Variants in PTK2 observed in about 807,000 individuals in gnomAD.
PTK2 encodes protein tyrosine kinase 2, also known as focal adhesion kinase 1.
PTK2 carries 45 observed loss-of-function variants against 150.1 expected under a neutral mutation model. The ratio of observed to expected loss-of-function variants is 0.30; its 90% CI spans 0.24 to 0.38. The LOEUF is 0.38. Ranked by LOEUF, PTK2 falls within the 10% of genes least tolerant of loss-of-function variation. The pLI is 1.00. For synonymous variants in PTK2, 432 were observed against 449.2 expected, an observed-to-expected ratio of 0.96 and a Z score of 0.48; for missense variants, 919 against 1,307.3, an observed-to-expected ratio of 0.70 and a Z score of 4.58.
Position 140,671,325 on chromosome 8 carries a change from G to A in PTK2, c.2710-2901C>T, listed in dbSNP as rs76664390. ...CAACCACCGCCTCCTGGATTCCAGC[G>A]ATTCTTGTGCCTCAGCCCCCTGAGC... On this transcript the variant is annotated intron_variant, in intron 29 of 31. Transcript: ENST00000522684. Among the ~76,000 whole-genome samples, 348 of 152,170 alleles carry A rather than the reference G, an allele frequency of 2.3e-3. 5 individuals are homozygous for A. The East Asian group carries it at 0.045, about 19-fold the overall frequency.
chr8:140,745,834 C>T (rs1236444583), intron 18 of PTK2, among the ~76,000 whole-genome samples: 1 of 151,538 alleles, frequency 6.6e-6, no homozygotes, highest in African/African-American at 2.4e-5. Flanking sequence ...ACCCTGTCTC[C>T]ATTAAAAATG....
At chr8:140,778,040 G>A (rs2100079443) in intron 14 of PTK2, among the ~76,000 whole-genome samples, 2 of 152,212 alleles carry the variant, frequency 1.3e-5, no homozygotes, top group Admixed American at 1.3e-4. Flanking sequence ...TTGGGAATGA[G>A]ATCTTTCCCC....
chr8:140,820,762 G>A (rs1293790234), intron 8 of PTK2: 1 of 152,222 alleles, frequency 6.6e-6, no homozygotes, highest in African/African-American at 2.4e-5. Flanking sequence ...AATCCAAGTG[G>A]AGCTGTCAAG....
chr8:140,838,317 G>A (rs2100120058), intron 7 of PTK2, among the ~76,000 whole-genome samples: 1 of 152,098 alleles, frequency 6.6e-6, no homozygotes, highest in Non-Finnish European at 1.5e-5. Flanking sequence ...AAAACCAATA[G>A]GAAAAAGAAA....
intron 8 of PTK2, among the ~76,000 whole-genome samples, chr8:140,822,989 A>G (rs984887685): frequency 1.1e-4 from 17 of 152,230 alleles, no homozygotes; most frequent in Admixed American, 7.9e-4. Context: ...ATGCTGCCTC[A>G]ATGTACAAAT....
In PTK2 at chr8:140,717,719, C is replaced by G. The variant is rs755160976; in HGVS notation, c.2031-10G>C. On this transcript the variant is annotated splice_polypyrimidine_tract_variant and intron_variant, in intron 22 of 31. Transcript: ENST00000522684. The stretch of plus-strand genomic sequence containing the variant: ...TTCCTCCAGGATTGTGCTAGAGAGA[C>G]AACACATTGTCTTAGGGGAGCTGAC... 1 of 1,610,260 alleles carries G rather than the reference C, an allele frequency of 6.2e-7. No individual in the cohort carries two copies. Among genetic ancestry groups the G allele is most frequent in the Non-Finnish European group, 8.5e-7 (1 of 1,176,660 alleles).
chr8:140,960,538 T>C (rs1050513558), intron 1 of PTK2, among the ~76,000 whole-genome samples: 1 of 151,890 alleles, frequency 6.6e-6, no homozygotes, highest in Non-Finnish European at 1.5e-5. Flanking sequence ...GAATAAGTAA[T>C]CAAGGCAAGA....
intron 4 of PTK2, among the ~76,000 whole-genome samples, chr8:140,874,394 C>T (rs780655833): frequency 2.6e-5 from 4 of 152,178 alleles, no homozygotes; most frequent in Non-Finnish European, 4.4e-5. Flanking sequence ...AGTCCTAGCA[C>T]TTTCATTTGA....
intron 5 of PTK2, among the ~76,000 whole-genome samples, chr8:140,850,673 T>C (rs1396736731): frequency 6.7e-6 from 1 of 149,902 alleles, no homozygotes; most frequent in Non-Finnish European, 1.5e-5. Context: ...GAGCTTGCAG[T>C]GAGCCGTGAT....
intron 23 of PTK2, among the ~76,000 whole-genome samples, chr8:140,715,315 G>C (rs1256936562): frequency 4.0e-5 from 6 of 151,544 alleles, no homozygotes; most frequent in Non-Finnish European, 7.4e-5. Context: ...TGGGATTACA[G>C]GTGCCGGCCA....
chr8:140,820,102 T>A (rs1162883437), intron 8 of PTK2, among the ~76,000 whole-genome samples: 1 of 88,802 alleles, frequency 1.1e-5, no homozygotes, highest in South Asian at 4.3e-4. Flanking sequence ...TTTTTTTTTT[T>A]TTTTTTTTTT....
intron 5 of PTK2, among the ~76,000 whole-genome samples, chr8:140,847,804 T>C (rs532541999): frequency 6.6e-6 from 1 of 152,310 alleles, no homozygotes; most frequent in Non-Finnish European, 1.5e-5. Flanking sequence ...TCAAACATCC[T>C]GTTCTTCAAT....
intron 1 of PTK2, among the ~76,000 whole-genome samples, chr8:141,000,126 C>CACACA (rs1555522723): frequency 1.5e-4 from 21 of 142,630 alleles, no homozygotes; most frequent in South Asian, 4.4e-4. Context: ...CACACACACA[C>CACACA]CCCTTCTTCT....
chr8:140,761,302 A>G (rs2100069302), intron 15 of PTK2, 40 bp from the exon 19 acceptor site: 3 of 1,422,996 alleles, frequency 2.1e-6, no homozygotes, highest in Non-Finnish European at 3.0e-6. Flanking sequence ...TAAGTAAAAT[A>G]TTCCAAATGT....
chr8:140,951,193 A>G (rs2100179443), intron 1 of PTK2, among the ~76,000 whole-genome samples: 1 of 152,006 alleles, frequency 6.6e-6, no homozygotes, highest in African/African-American at 2.4e-5. Context: ...TTCCTCCCAA[A>G]CTTTCCTTTG....
intron 7 of PTK2, among the ~76,000 whole-genome samples, chr8:140,831,024 TTAAG>T (rs940344589): frequency 4.2e-4 from 64 of 152,330 alleles, no homozygotes; most frequent in African/African-American, 1.5e-3. Flanking sequence ...ACTTTTTTGA[TTAAG>T]TGACTCATTC....
intron 1 of PTK2, among the ~76,000 whole-genome samples, chr8:141,000,248 C>CT (rs1240561995): frequency 6.6e-6 from 1 of 152,156 alleles, no homozygotes; most frequent in African/African-American, 2.4e-5. Flanking sequence ...GAGGAGAAAA[C>CT]TTGGGAAGCA....
chr8:140,673,689 G>A (rs1343227115), intron 29 of PTK2, among the ~76,000 whole-genome samples: 3 of 152,098 alleles, frequency 2.0e-5, no homozygotes, highest in Non-Finnish European at 4.4e-5. Flanking sequence ...GGGCTGGTGG[G>A]GACCCAGGAG....
At chr8:140,677,481 G>GA (rs1485002983) in intron 27 of PTK2, among the ~76,000 whole-genome samples, 1 of 152,010 alleles carries the variant, frequency 6.6e-6, no homozygotes, top group Non-Finnish European at 1.5e-5. Flanking sequence ...TAACTACCTG[G>GA]AAAAAAATCT....
Sources: allele counts gnomAD v4.1 joint callset (sites outside exome capture counted in the v4.1 genomes callset), GRCh38; gene constraint gnomAD v4.1.1; transcripts MANE v1.5; gene names NCBI Gene and HGNC (gene_info 2026-07-23, HGNC 2026-07-21).